Variants in ZNF385A observed in about 807,000 individuals in gnomAD.
ZNF385A encodes zinc finger protein 385A.
ZNF385A carries 14 observed loss-of-function variants against 32.1 expected under a neutral mutation model. The ratio of observed to expected loss-of-function variants is 0.44; its 90% CI spans 0.29 to 0.68. The LOEUF (loss-of-function observed/expected upper bound fraction) is 0.68, where lower values mean the gene tolerates loss of function less well. Among genes scored for constraint, ZNF385A ranks in the 30% least tolerant of loss-of-function variants. ZNF385A has a pLI of 0.14. For missense variants in ZNF385A, 406 were observed against 478.4 expected (o/e 0.85, Z 1.41); for synonymous variants, 197 against 202.7 (o/e 0.97, Z 0.24).
At chr12:54,371,374 T>C (rs1954541703) in intron 4 of ZNF385A, 99 bp downstream of exon 4, 1 of 1,484,456 alleles carries the variant, frequency 6.7e-7, no homozygotes, top group Non-Finnish European at 9.0e-7. Flanking sequence ...TGATAGGTCT[T>C]AGATGGTCTA....
intron 1 of ZNF385A, among the ~76,000 whole-genome samples, chr12:54,377,498 T>A (rs74917203): frequency 6.6e-6 from 1 of 152,168 alleles, no homozygotes; most frequent in East Asian, 1.9e-4. Context: ...TGAATAAGTG[T>A]CATGTACTGT....
Position 54,371,463 on chromosome 12 carries a change from G to A in ZNF385A, c.604+10C>T, listed in dbSNP as rs760267347. 5.6e-6 allele frequency: 9 copies of A among 1,601,304 alleles called. No individual in the cohort carries two copies. The highest frequency in any genetic ancestry group is 7.6e-6 in the Non-Finnish European group (9 of 1,176,888). ...CAGGAGAGTCTGGGTGGGGGCAGGGGAGTCCATACCTTTGTTATGTGCCTC... is the reference window on the plus strand; with the variant it reads ...CAGGAGAGTCTGGGTGGGGGCAGGGAAGTCCATACCTTTGTTATGTGCCTC... On this transcript the variant is annotated intron_variant, in intron 4 of 6. Coordinates refer to ENST00000394313, the MANE Select transcript of ZNF385A (RefSeq NM_015481.3).
chr12:54,371,162 G>A (rs1375132138), intron 4 of ZNF385A, 66 bp from the exon 5 acceptor site: 11 of 1,502,972 alleles, frequency 7.3e-6, no homozygotes, highest in Non-Finnish European at 9.8e-6. Context: ...CTGGGCCTCA[G>A]AATGCACATT....
At chr12:54,385,567 C>T, upstream of ZNF385A, 1 of 926,290 alleles carries the variant, frequency 1.1e-6, no homozygotes, top group Non-Finnish European at 1.3e-6. Context: ...GGAACAAAGG[C>T]AAACCGAGGA....
chr12:54,384,427 C>CT lies in ZNF385A; in HGVS notation c.87_87+1insA (p.Met30AsnfsTer28). 1 of 1,581,592 alleles carries CT rather than the reference C, an allele frequency of 6.3e-7. No homozygotes were observed. Among genetic ancestry groups the CT allele is most frequent in the Non-Finnish European group, 8.6e-7 (1 of 1,164,006 alleles). On this transcript the variant is annotated frameshift_variant and splice_region_variant. Transcript: ENST00000394313. LOFTEE classifies it high-confidence loss of function. ...GAGAAGGCAGGCAGGCTGCTACTTA[C>CT]GGTGCTGTAGTTGCTGAAGAGGCCA...
chr12:54,376,587 G>C (rs1021269020), intron 1 of ZNF385A, among the ~76,000 whole-genome samples: 14 of 152,192 alleles, frequency 9.2e-5, no homozygotes, highest in African/African-American at 3.4e-4. Flanking sequence ...GGGACTAAAT[G>C]GGGGGACCTA....
At chr12:54,378,471 A>G (rs1043693787) in intron 1 of ZNF385A, among the ~76,000 whole-genome samples, 1 of 152,188 alleles carries the variant, frequency 6.6e-6, no homozygotes. Context: ...AAAATGAATC[A>G]GGAAGGGCAA....
chr12:54,374,447 T>C (rs527274561), intron 2 of ZNF385A, among the ~76,000 whole-genome samples: 2 of 152,156 alleles, frequency 1.3e-5, no homozygotes, highest in East Asian at 3.9e-4. Context: ...CACAAACCTA[T>C]GGAAGAGTTC....
chr12:54,370,779 A>T lies in ZNF385A; in HGVS notation c.775-58T>A. ...TCCCGGAAAGGGGCAACAGCGAGGG[A>T]GTATAATCAAGCTCCAAGCACCGGC... On this transcript the variant is annotated intron_variant, in intron 5 of 6. Coordinates refer to ENST00000394313, the MANE Select transcript of ZNF385A (RefSeq NM_015481.3). This position sits in a 1 kb window ranked among gnomAD's most constrained non-coding sequence, Gnocchi z 5.5. 6.3e-7 allele frequency: 1 copy of T among 1,583,192 alleles called. No homozygotes were observed. The highest frequency in any genetic ancestry group is 8.6e-7 in the Non-Finnish European group (1 of 1,166,872).
chr12:54,374,221 G>C, intron 2 of ZNF385A, 86 bp from the exon 3 acceptor site: 1 of 1,302,486 alleles, frequency 7.7e-7, no homozygotes, highest in Non-Finnish European at 1.0e-6. Context: ...GTCCTGGGGT[G>C]ATCTCAGCAG....
chr12:54,391,099 T>G (rs939889250), intron 1 of ZNF385A: 13 of 803,382 alleles, frequency 1.6e-5, no homozygotes, highest in South Asian at 4.0e-5. Context: ...TGGAGCCAGA[T>G]GAAGGGGGAG....
chr12:54,388,773 G>A (rs1485897733), upstream of ZNF385A, among the ~76,000 whole-genome samples: 1 of 151,990 alleles, frequency 6.6e-6, no homozygotes. Flanking sequence ...TCCCTCCCCA[G>A]AAGTGCCTAA....
At chr12:54,376,396 C>T (rs1339847808) in intron 1 of ZNF385A, among the ~76,000 whole-genome samples, 1 of 152,066 alleles carries the variant, frequency 6.6e-6, no homozygotes, top group African/African-American at 2.4e-5. Context: ...CTTTGGGCCT[C>T]CACTCTGGGG....
chr12:54,385,532 C>A, upstream of ZNF385A: 1 of 636,566 alleles, frequency 1.6e-6, no homozygotes, highest in Non-Finnish European at 2.0e-6. Context: ...CTCCAGTAAC[C>A]CCCTGACAGC....
upstream of ZNF385A, chr12:54,384,816 C>G (rs1955386355): frequency 8.2e-7 from 1 of 1,225,010 alleles, no homozygotes; most frequent in Admixed American, 4.0e-5. Flanking sequence ...CCTCCCTCCC[C>G]CAAACTCCTT....
At chr12:54,381,912 C>T (rs749283901) in intron 1 of ZNF385A, among the ~76,000 whole-genome samples, 12 of 152,186 alleles carry the variant, frequency 7.9e-5, no homozygotes, top group Non-Finnish European at 1.8e-4. Flanking sequence ...TCTGACACAG[C>T]TCTTCTCACA....
chr12:54,390,236 G>A (rs565719357), intron 1 of ZNF385A, among the ~76,000 whole-genome samples: 1 of 152,196 alleles, frequency 6.6e-6, no homozygotes, highest in East Asian at 1.9e-4. Context: ...GGAGGGCAGA[G>A]GTCAGAGCAG....
At chr12:54,373,853 G>C in intron 3 of ZNF385A, 120 bp downstream of exon 3, 4 of 1,099,800 alleles carry the variant, frequency 3.6e-6, no homozygotes, top group South Asian at 2.7e-5. Flanking sequence ...CACCTTGGGT[G>C]GGGGTGGGGG....
At chr12:54,372,908 A>G in intron 3 of ZNF385A, 1 of 220,100 alleles carries the variant, frequency 4.5e-6, no homozygotes, top group East Asian at 1.7e-4. Context: ...GTGTGGTGGC[A>G]GGTGCCTGTA....
Sources: gnomAD v4.1 joint callset for allele counts (sites outside exome capture counted in the v4.1 genomes callset) on GRCh38, gnomAD v4.1.1 for gene constraint, Gnocchi (gnomAD v3.1) non-coding constraint, MANE v1.5 for transcripts, NCBI Gene and HGNC (gene_info 2026-07-23, HGNC 2026-07-21) for gene names.